Variants in KCTD16 observed in about 807,000 individuals in gnomAD.
The protein encoded by KCTD16 is BTB/POZ domain-containing protein KCTD16.
Under a neutral mutation model 33.2 loss-of-function variants are expected in KCTD16, and 13 were observed. The observed-to-expected ratio is 0.39, with a 90% confidence interval of 0.25 to 0.62. KCTD16 has a LOEUF of 0.62. Ranked by LOEUF, KCTD16 falls within the 20% of genes least tolerant of loss-of-function variation. The probability of loss-of-function intolerance (pLI) is 0.50; values close to 1 mark genes in which losing one functional copy is unlikely to be tolerated. For synonymous variants in KCTD16, 197 were observed against 195.3 expected (o/e 1.01, Z -0.07); for missense variants, 441 against 525.1 (o/e 0.84, Z 1.57).
intron 3 of KCTD16, among the ~76,000 whole-genome samples, chr5:144,467,843 A>G (rs780617474): frequency 3.9e-5 from 6 of 152,080 alleles, no homozygotes; most frequent in Non-Finnish European, 8.8e-5. Flanking sequence ...CTCAGCTCCA[A>G]ACACACCCCT....
intron 3 of KCTD16, among the ~76,000 whole-genome samples, chr5:144,237,798 A>G (rs1754294454): frequency 6.6e-6 from 1 of 152,142 alleles, no homozygotes; most frequent in African/African-American, 2.4e-5. Context: ...AGCAGAACTT[A>G]GCACAAGGGA....
chr5:144,225,652 C>T (rs1318334464), intron 3 of KCTD16, among the ~76,000 whole-genome samples: 1 of 150,650 alleles, frequency 6.6e-6, no homozygotes, highest in Admixed American at 6.6e-5. Context: ...AGTAGCAAGA[C>T]TAATATGAGT....
At chr5:144,441,824 A>G (rs1040064596) in intron 3 of KCTD16, among the ~76,000 whole-genome samples, 3 of 144,520 alleles carry the variant, frequency 2.1e-5, no homozygotes, top group African/African-American at 5.1e-5. Context: ...TTCCATTTCT[A>G]TATAAATGTT....
intron 3 of KCTD16, among the ~76,000 whole-genome samples, chr5:144,447,862 T>C (rs1753856226): frequency 6.6e-6 from 1 of 152,104 alleles, no homozygotes; most frequent in South Asian, 2.1e-4. Flanking sequence ...TTGCTCTCTA[T>C]TGGAATTAAC....
chr5:144,306,190 G>C (rs888856521), intron 3 of KCTD16, among the ~76,000 whole-genome samples: 1 of 152,198 alleles, frequency 6.6e-6, no homozygotes, highest in South Asian at 2.1e-4. Flanking sequence ...TCCAAGTATT[G>C]TACCGTTCTA....
intron 2 of KCTD16, among the ~76,000 whole-genome samples, chr5:144,188,291 T>C (rs1752769369): frequency 6.6e-6 from 1 of 152,216 alleles, no homozygotes; most frequent in Admixed American, 6.5e-5. Context: ...AGATTTACTG[T>C]TATTTAGCAG....
Position 144,462,582 on chromosome 5 carries a change from A to C in KCTD16, c.833-11078A>C, listed in dbSNP as rs1389640001. Among the ~76,000 whole-genome samples, 210 of 147,588 alleles carry C rather than the reference A, an allele frequency of 1.4e-3. 2 individuals are homozygous for C. The highest frequency in any genetic ancestry group is 4.9e-3 in the African/African-American group (199 of 40,204). ...TTTTGGTTTCTTAAAAAAAAAAAAA[A>C]CAAAAAACTCTTTTTCATTGACTTT... On this transcript the variant is annotated intron_variant, in intron 3 of 3. Transcript: ENST00000512467.
chr5:144,444,927 A>G (rs557629886), intron 3 of KCTD16, among the ~76,000 whole-genome samples: 7 of 149,488 alleles, frequency 4.7e-5, no homozygotes, highest in African/African-American at 1.7e-4. Context: ...CAATTCTAGT[A>G]TATATTACAT....
At chr5:144,390,484 C>G (rs1325063168) in intron 3 of KCTD16, among the ~76,000 whole-genome samples, 1 of 151,708 alleles carries the variant, frequency 6.6e-6, no homozygotes, top group African/African-American at 2.4e-5. Flanking sequence ...TTAAACTGAG[C>G]TGTTCAGGAG....
intron 3 of KCTD16, among the ~76,000 whole-genome samples, chr5:144,212,486 A>G (rs1753427754): frequency 6.6e-6 from 1 of 152,124 alleles, no homozygotes; most frequent in African/African-American, 2.4e-5. Flanking sequence ...AATATATATG[A>G]TTGGAAAGAG....
intron 3 of KCTD16, among the ~76,000 whole-genome samples, chr5:144,402,615 T>C (rs1169346616): frequency 6.6e-6 from 1 of 152,166 alleles, no homozygotes; most frequent in Non-Finnish European, 1.5e-5. Flanking sequence ...AAAACGTTGT[T>C]TTGAAGATTT....
At chr5:144,462,680 A>C (rs1330088672) in intron 3 of KCTD16, among the ~76,000 whole-genome samples, 1 of 152,174 alleles carries the variant, frequency 6.6e-6, no homozygotes, top group African/African-American at 2.4e-5. Flanking sequence ...ATATATTAAA[A>C]AAACAAAAAA....
At chr5:144,202,627 T>TA (rs547635738) in intron 2 of KCTD16, among the ~76,000 whole-genome samples, 1 of 152,156 alleles carries the variant, frequency 6.6e-6, no homozygotes, top group East Asian at 1.9e-4. Context: ...CCATTTAGAT[T>TA]AAAAAGTAGA....
chr5:144,182,252 A>G (rs1277659345), intron 2 of KCTD16, among the ~76,000 whole-genome samples: 2 of 152,144 alleles, frequency 1.3e-5, no homozygotes, highest in African/African-American at 4.8e-5. Context: ...ACCTTCTGGC[A>G]TGGATGACTC....
chr5:144,175,511 A>G (rs1752486341), intron 2 of KCTD16, among the ~76,000 whole-genome samples: 1 of 152,226 alleles, frequency 6.6e-6, no homozygotes, highest in Non-Finnish European at 1.5e-5. Flanking sequence ...CAAGTTGATA[A>G]AAATATTTTC....
chr5:144,243,663 G>A (rs1466854691), intron 3 of KCTD16, among the ~76,000 whole-genome samples: 1 of 152,158 alleles, frequency 6.6e-6, no homozygotes, highest in Non-Finnish European at 1.5e-5. Flanking sequence ...TACGGTACTA[G>A]CTACCCTGGG....
At chr5:144,294,578 T>C (rs1030575186) in intron 3 of KCTD16, among the ~76,000 whole-genome samples, 1 of 152,182 alleles carries the variant, frequency 6.6e-6, no homozygotes, top group African/African-American at 2.4e-5. Context: ...CCATCAGCAA[T>C]TTATAGAATT....
chr5:144,428,257 G>T (rs528749436), intron 3 of KCTD16, among the ~76,000 whole-genome samples: 198 of 152,270 alleles, frequency 1.3e-3, no homozygotes, highest in Middle Eastern at 3.4e-3. Flanking sequence ...CTTTGCTGTT[G>T]CTTGTCTGTT....
At position 144,441,931 on chromosome 5, in the gene KCTD16, A is replaced by AT. The variant is rs1287284285; in HGVS notation, c.833-31725dup. ...GTAGATTGACTTGCAGAATACTGTC[A>AT]TTTTAAAAGTATTGTCTTCTATTCA... On this transcript the variant is annotated intron_variant, in intron 3 of 3. Coordinates refer to ENST00000512467, the MANE Select transcript of KCTD16 (RefSeq NM_020768.4). Among the ~76,000 whole-genome samples, 6 of 151,644 alleles carry AT rather than the reference A, an allele frequency of 4.0e-5. No individual in the cohort carries two copies. In the East Asian group the frequency reaches 1.2e-3, roughly 29 times the overall value.
Sources: gnomAD v4.1 joint callset for allele counts (sites outside exome capture counted in the v4.1 genomes callset) on GRCh38, gnomAD v4.1.1 for gene constraint, MANE v1.5 for transcripts, NCBI Gene and HGNC (gene_info 2026-07-23, HGNC 2026-07-21) for gene names.